The following PLPP4 variants were observed in gnomAD, a reference collection of about 807,000 sequenced individuals.
The protein encoded by PLPP4 is phospholipid phosphatase 4, also known as diacylglycerol pyrophosphate like 2.
In PLPP4, 20 loss-of-function variants were observed where a neutral mutation model predicts 32.2. That is an observed-to-expected ratio of 0.62 (90% CI 0.44 to 0.90). The LOEUF (loss-of-function observed/expected upper bound fraction) is 0.90. Ranked by LOEUF, PLPP4 falls within the 40% of genes least tolerant of loss-of-function variation. PLPP4 has a pLI of 0.00. For synonymous variants in PLPP4, 127 were observed against 133.0 expected, an observed-to-expected ratio of 0.95 and a Z score of 0.31; for missense variants, 257 against 353.1, an observed-to-expected ratio of 0.73 and a Z score of 2.18.
At chr10:120,530,902 A>G (rs1846676205) in intron 5 of PLPP4, among the ~76,000 whole-genome samples, 1 of 152,118 alleles carries the variant, frequency 6.6e-6, no homozygotes, top group Admixed American at 6.5e-5. Flanking sequence ...CCTGATGACT[A>G]ATGTTGCTGT....
chr10:120,498,805 C>G (rs1231288212), intron 1 of PLPP4, among the ~76,000 whole-genome samples: 1 of 152,072 alleles, frequency 6.6e-6, no homozygotes, highest in Non-Finnish European at 1.5e-5. Flanking sequence ...GGATTGCAGG[C>G]ACGCACCACC....
At chr10:120,514,073 C>A in intron 3 of PLPP4, 72 bp downstream of exon 3, 1 of 1,112,058 alleles carries the variant, frequency 9.0e-7, no homozygotes, top group Non-Finnish European at 1.4e-6. Flanking sequence ...TAAGAAATCT[C>A]AGTTACACCC....
At chr10:120,493,718 C>G (rs1589759822) in intron 1 of PLPP4, among the ~76,000 whole-genome samples, 1 of 152,108 alleles carries the variant, frequency 6.6e-6, no homozygotes, top group East Asian at 1.9e-4. Context: ...TTTTCATTGT[C>G]TCTTATACAC....
At chr10:120,589,219 G>C (rs1030746633) in intron 6 of PLPP4, 84 bp from the exon 7 acceptor site, 1 of 1,379,090 alleles carries the variant, frequency 7.3e-7, no homozygotes. Context: ...AGAACAGGAA[G>C]GAAAAGTGCT....
Position 120,581,702 on chromosome 10 carries a change from C to T in PLPP4, c.616+6401C>T, listed in dbSNP as rs369379167. Among the ~76,000 whole-genome samples the T allele has an allele frequency of 3.1e-4, 47 of 151,388 alleles. 1 individual carries two copies. The South Asian group carries it at 4.6e-3, about 15-fold the overall frequency. On this transcript the variant is annotated intron_variant, in intron 6 of 6. Coordinates refer to ENST00000398250, the MANE Select transcript of PLPP4 (RefSeq NM_001030059.3). ...TGGAATGCTCTTCTTCAGATGTGGG[C>T]GTGGCTTGTTCTCCTCTCCCTCCTA... is the stretch of plus-strand genomic sequence containing the variant.
intron 1 of PLPP4, among the ~76,000 whole-genome samples, chr10:120,459,858 C>A (rs966261529): frequency 2.6e-5 from 4 of 152,190 alleles, no homozygotes; most frequent in African/African-American, 9.7e-5. Context: ...AGCCCATATG[C>A]TCCTCAAAGA....
At chr10:120,545,395 A>G (rs1286981071) in intron 5 of PLPP4, among the ~76,000 whole-genome samples, 1 of 152,208 alleles carries the variant, frequency 6.6e-6, no homozygotes, top group Non-Finnish European at 1.5e-5. Context: ...GACGAGTATG[A>G]TATTCTGCCT....
chr10:120,522,226 C>T (rs1342249279), intron 5 of PLPP4, among the ~76,000 whole-genome samples: 4 of 152,134 alleles, frequency 2.6e-5, no homozygotes, highest in Non-Finnish European at 5.9e-5. Flanking sequence ...CCTAAATACC[C>T]GAGACACATC....
At chr10:120,517,834 A>G (rs1432527399) in intron 3 of PLPP4, among the ~76,000 whole-genome samples, 1 of 152,218 alleles carries the variant, frequency 6.6e-6, no homozygotes, top group African/African-American at 2.4e-5. Flanking sequence ...TCGATGGGCC[A>G]TGAATTGCCC....
chr10:120,559,369 C>G (rs989542128), intron 5 of PLPP4, among the ~76,000 whole-genome samples: 1 of 150,810 alleles, frequency 6.6e-6, no homozygotes, highest in Non-Finnish European at 1.5e-5. Context: ...ATTTTTCTTT[C>G]GTGGATTTAT....
chr10:120,531,232 A>G (rs1846703181), intron 5 of PLPP4, among the ~76,000 whole-genome samples: 1 of 151,706 alleles, frequency 6.6e-6, no homozygotes, highest in Non-Finnish European at 1.5e-5. Context: ...CAGCCTCCCA[A>G]GTAGCTGGGA....
At chr10:120,512,772 C>G (rs1372919981) in intron 2 of PLPP4, among the ~76,000 whole-genome samples, 1 of 151,526 alleles carries the variant, frequency 6.6e-6, no homozygotes, top group Non-Finnish European at 1.5e-5. Context: ...GAGATCACTC[C>G]ACTGCACTCC....
intron 5 of PLPP4, among the ~76,000 whole-genome samples, chr10:120,561,543 A>C (rs1299693172): frequency 6.6e-6 from 1 of 152,198 alleles, no homozygotes; most frequent in Non-Finnish European, 1.5e-5. Flanking sequence ...ATGTCTTGAC[A>C]TAATAAATTT....
At chr10:120,480,310 T>G (rs906186000) in intron 1 of PLPP4, among the ~76,000 whole-genome samples, 22 of 152,310 alleles carry the variant, frequency 1.4e-4, no homozygotes, top group African/African-American at 5.3e-4. Context: ...ATCCAAGGAT[T>G]ATTGGCTGTG....
At chr10:120,528,081 T>TG (rs1377785818) in intron 5 of PLPP4, among the ~76,000 whole-genome samples, 4 of 142,416 alleles carry the variant, frequency 2.8e-5, no homozygotes, top group African/African-American at 1.1e-4. Context: ...TTTTTTTTTT[T>TG]TTTTTTTTTT....
chr10:120,588,285 A>G (rs1403638980), intron 6 of PLPP4, among the ~76,000 whole-genome samples: 1 of 152,224 alleles, frequency 6.6e-6, no homozygotes, highest in African/African-American at 2.4e-5. Flanking sequence ...TCTATTGAGA[A>G]CTACCTGAAT....
chr10:120,558,646 C>T (rs1418414859), intron 5 of PLPP4, among the ~76,000 whole-genome samples: 2 of 152,118 alleles, frequency 1.3e-5, no homozygotes, highest in Non-Finnish European at 2.9e-5. Flanking sequence ...GAAGTCCTCA[C>T]CTTAAAGTGA....
intron 1 of PLPP4, among the ~76,000 whole-genome samples, chr10:120,480,759 C>A (rs185282459): frequency 1.3e-5 from 2 of 152,292 alleles, no homozygotes; most frequent in African/African-American, 4.8e-5. Context: ...TAATCTGCCC[C>A]CAACACTGCT....
At chr10:120,550,116 C>A (rs1204692098) in intron 5 of PLPP4, among the ~76,000 whole-genome samples, 4 of 151,836 alleles carry the variant, frequency 2.6e-5, no homozygotes, top group Non-Finnish European at 4.4e-5. Context: ...GTGAATTTTG[C>A]AAGATCATAG....
Sources: gnomAD v4.1 joint callset for allele counts (sites outside exome capture counted in the v4.1 genomes callset) on GRCh38, gnomAD v4.1.1 for gene constraint, MANE v1.5 for transcripts, NCBI Gene and HGNC (gene_info 2026-07-23, HGNC 2026-07-21) for gene names.